The following DAB1 variants were observed in gnomAD, a reference collection of about 807,000 sequenced individuals.
DAB1 encodes DAB adaptor protein 1, also known as disabled homolog 1.
A neutral mutation model predicts 64.6 loss-of-function variants in DAB1; 15 were observed. The ratio of observed to expected loss-of-function variants is 0.23; its 90% CI spans 0.16 to 0.36. DAB1 has a LOEUF of 0.36. Ranked by LOEUF, DAB1 falls within the 10% of genes least tolerant of loss-of-function variation. The pLI is 1.00. For missense variants in DAB1, 596 were observed against 706.7 expected (o/e 0.84, Z 1.78); for synonymous variants, 235 against 251.9 (o/e 0.93, Z 0.64).
rs556953885 is a variant in DAB1, at chr1:58,065,100, A to G, written n.387+85411T>C. ...TATATTATCTCATTTTATCCTCACA[A>G]CAACCCCATGAATGAATTGACTATT... On this transcript the variant is annotated intron_variant and non_coding_transcript_variant, in intron 5 of 20. Transcript: ENST00000485760. 2.6e-5 allele frequency among the ~76,000 whole-genome samples: 4 copies of G among 152,280 alleles called. No homozygotes were observed. In the East Asian group the frequency reaches 5.8e-4, roughly 22 times the overall value.
chr1:58,447,019 C>T (rs1645075270), intron 3 of DAB1, among the ~76,000 whole-genome samples: 1 of 152,204 alleles, frequency 6.6e-6, no homozygotes, highest in Admixed American at 6.5e-5. Flanking sequence ...ACTCTTTGGA[C>T]ATCCTATTAG....
At position 58,275,583 on chromosome 1, in the gene DAB1, T is replaced by C. The variant is rs144268809; in HGVS notation, n.309+67769A>G. Among the ~76,000 whole-genome samples, 199 of 152,294 alleles carry C rather than the reference T, an allele frequency of 1.3e-3. 3 individuals carry two copies. The East Asian group carries it at 0.021, about 16-fold the overall frequency. ...TAAAGATACCCCAAATCACTAATCA[T>C]TGGGAAAATGCAAATCAAAACCACA... is the stretch of plus-strand genomic sequence containing the variant. On this transcript the variant is annotated intron_variant and non_coding_transcript_variant, in intron 4 of 20. Transcript: ENST00000485760.
chr1:57,641,384 T>G (rs1646127282), intron 7 of DAB1, among the ~76,000 whole-genome samples: 1 of 137,932 alleles, frequency 7.2e-6, no homozygotes, highest in African/African-American at 2.7e-5. Flanking sequence ...TGTTGGTTTT[T>G]TTTTTTTTTT....
chr1:57,524,673 G>T (rs1644570307), intron 7 of DAB1, among the ~76,000 whole-genome samples: 2 of 152,188 alleles, frequency 1.3e-5, no homozygotes, highest in South Asian at 4.1e-4. Flanking sequence ...CTTAAGGGTG[G>T]CGGAGATTAC....
chr1:57,650,504 A>C (rs973676760), intron 6 of DAB1, among the ~76,000 whole-genome samples: 1 of 152,232 alleles, frequency 6.6e-6, no homozygotes, highest in Non-Finnish European at 1.5e-5. Flanking sequence ...ATAATATGTA[A>C]ATATAAAAAT....
intron 7 of DAB1, among the ~76,000 whole-genome samples, chr1:57,569,557 C>T (rs575476969): frequency 1.3e-5 from 2 of 149,252 alleles, no homozygotes; most frequent in Non-Finnish European, 3.0e-5. Flanking sequence ...TGAGAACACT[C>T]GGACACAGGA....
At chr1:57,912,557 A>G (rs1160289036) in intron 5 of DAB1, among the ~76,000 whole-genome samples, 1 of 151,904 alleles carries the variant, frequency 6.6e-6, no homozygotes, top group African/African-American at 2.4e-5. Context: ...CTCTCTCACC[A>G]CTCCTATTCA....
intron 1 of DAB1, among the ~76,000 whole-genome samples, chr1:57,298,331 A>G (rs1470872600): frequency 2.0e-5 from 3 of 152,202 alleles, no homozygotes; most frequent in African/African-American, 7.2e-5. Flanking sequence ...TTTTGGCAGA[A>G]TATTGAGAGA....
chr1:58,192,815 T>C (rs1350017413), intron 4 of DAB1, among the ~76,000 whole-genome samples: 1 of 152,198 alleles, frequency 6.6e-6, no homozygotes, highest in Non-Finnish European at 1.5e-5. Context: ...TCCCTTTGGG[T>C]ATATACCCAG....
intron 1 of DAB1, among the ~76,000 whole-genome samples, chr1:57,392,216 T>C (rs1235457292): frequency 6.6e-6 from 1 of 152,030 alleles, no homozygotes; most frequent in Non-Finnish European, 1.5e-5. Context: ...CTATTCAAAA[T>C]ACAAAAATCA....
rs538346664 is a variant in DAB1, at chr1:57,488,144, C to T, written n.625+161448G>A. Among the ~76,000 whole-genome samples, 24 of 152,242 alleles carry T rather than the reference C, an allele frequency of 1.6e-4. 1 individual carries two copies. The South Asian group carries it at 4.4e-3, about 28-fold the overall frequency. On this transcript the variant is annotated intron_variant and non_coding_transcript_variant, in intron 7 of 20. Transcript: ENST00000485760. Reference sequence around the variant, plus strand: ...GGGGGCCAGACACGGCGGCTCACACCTGTAATCCAAGAACTTTGGGAGGCC... The same window carrying T: ...GGGGGCCAGACACGGCGGCTCACACTTGTAATCCAAGAACTTTGGGAGGCC...
chr1:58,131,705 G>C lies in DAB1; in HGVS notation n.387+18806C>G, dbSNP rs1375772523. The stretch of plus-strand genomic sequence containing the variant: ...AGGACCCTCAGCTGCAGGTCTGTTG[G>C]AGTACCCTGCCGTGTGAGGTGTCAG... On this transcript the variant is annotated intron_variant and non_coding_transcript_variant, in intron 5 of 20. Coordinates refer to the DAB1 transcript ENST00000485760. Among the ~76,000 whole-genome samples the C allele has an allele frequency of 1.4e-5, 2 of 144,818 alleles. 1 individual carries two copies. The highest frequency in any genetic ancestry group is 3.0e-5 in the Non-Finnish European group (2 of 66,566).
At chr1:58,490,759 C>T (rs1402125436) in intron 3 of DAB1, among the ~76,000 whole-genome samples, 2 of 141,388 alleles carry the variant, frequency 1.4e-5, no homozygotes, top group African/African-American at 5.1e-5. Context: ...AGAAACTCTA[C>T]AAGCCAGAAG....
chr1:57,953,684 G>A (rs1378070364), intron 5 of DAB1, among the ~76,000 whole-genome samples: 1 of 152,154 alleles, frequency 6.6e-6, no homozygotes, highest in African/African-American at 2.4e-5. Context: ...ATCAAGCTGA[G>A]CTCATTGAAT....
intron 4 of DAB1, among the ~76,000 whole-genome samples, chr1:58,261,914 CA>C (rs1171913505): frequency 1.3e-5 from 2 of 152,082 alleles, no homozygotes; most frequent in African/African-American, 4.8e-5. Flanking sequence ...TAGAATTTAC[CA>C]AACCTGTTCA....
chr1:58,116,014 T>G (rs1025284579), intron 5 of DAB1, among the ~76,000 whole-genome samples: 1 of 151,292 alleles, frequency 6.6e-6, no homozygotes, highest in Non-Finnish European at 1.5e-5. Context: ...TATTAAACAA[T>G]TCATCTATAC....
chr1:58,100,652 C>T (rs821528), intron 5 of DAB1, among the ~76,000 whole-genome samples: 52,463 of 151,980 alleles, frequency 0.35, 11,202 homozygotes, highest in African/African-American at 0.59. Context: ...GTTTTCTACC[C>T]CTGTATCACT....
chr1:57,442,925 G>A (rs1395031852), intron 7 of DAB1, among the ~76,000 whole-genome samples: 3 of 152,200 alleles, frequency 2.0e-5, no homozygotes, highest in Non-Finnish European at 2.9e-5. Flanking sequence ...GTTGGATAAT[G>A]TGTCCTACCC....
chr1:57,954,272 G>A (rs1645339863), intron 5 of DAB1, among the ~76,000 whole-genome samples: 1 of 152,130 alleles, frequency 6.6e-6, no homozygotes, highest in Non-Finnish European at 1.5e-5. Context: ...ATGATCCAAA[G>A]CATACAGAAG....
Sources: allele counts gnomAD v4.1 joint callset (sites outside exome capture counted in the v4.1 genomes callset), GRCh38; gene constraint gnomAD v4.1.1; transcripts MANE v1.5; gene names NCBI Gene and HGNC (gene_info 2026-07-23, HGNC 2026-07-21).